The following CHRNA7 variants were observed in gnomAD, a reference collection of about 807,000 sequenced individuals.
The protein encoded by CHRNA7 is cholinergic receptor nicotinic alpha 7 subunit, also known as neuronal acetylcholine receptor subunit alpha-7.
In CHRNA7, 17 loss-of-function variants were observed where a neutral mutation model predicts 48.0. That is an observed-to-expected ratio of 0.35 (90% CI 0.24 to 0.53). The LOEUF is 0.53. Among genes scored for constraint, CHRNA7 ranks in the 20% least tolerant of loss-of-function variants. CHRNA7 has a pLI of 0.92. For missense variants in CHRNA7, 155 were observed against 577.7 expected (o/e 0.27, Z 7.50); for synonymous variants, 75 against 242.3 (o/e 0.31, Z 6.41).
chr15:32,092,940 A>T (rs982617463), intron 2 of CHRNA7, among the ~76,000 whole-genome samples: 1 of 152,162 alleles, frequency 6.6e-6, no homozygotes, highest in African/African-American at 2.4e-5. Context: ...AAAAAGCCTG[A>T]TATTGAAATT....
chr15:32,117,826 A>C (rs2050899690), intron 4 of CHRNA7, among the ~76,000 whole-genome samples: 1 of 152,172 alleles, frequency 6.6e-6, no homozygotes, highest in African/African-American at 2.4e-5. Context: ...CCTCAGCCTA[A>C]CCGAGATTGG....
At chr15:32,062,130 A>G (rs1310812894) in intron 2 of CHRNA7, among the ~76,000 whole-genome samples, 5 of 152,122 alleles carry the variant, frequency 3.3e-5, no homozygotes, top group African/African-American at 4.8e-5. Context: ...ATTTACGTGC[A>G]TATCTTGAAA....
intron 2 of CHRNA7, among the ~76,000 whole-genome samples, chr15:32,031,722 G>C (rs540547969): frequency 6.6e-6 from 1 of 152,358 alleles, no homozygotes; most frequent in South Asian, 2.1e-4. Flanking sequence ...GCCCACTTCA[G>C]TTAGCCAATC....
chr15:32,085,177 A>G (rs2141237949), intron 2 of CHRNA7, among the ~76,000 whole-genome samples: 1 of 152,230 alleles, frequency 6.6e-6, no homozygotes, highest in Non-Finnish European at 1.5e-5. Context: ...GGTCACTTCT[A>G]GTAGTCTTTG....
At chr15:32,056,547 A>T (rs1183325886) in intron 2 of CHRNA7, among the ~76,000 whole-genome samples, 4 of 152,228 alleles carry the variant, frequency 2.6e-5, no homozygotes, top group African/African-American at 9.6e-5. Context: ...TGTGTGTATG[A>T]TATGAAAATA....
intron 4 of CHRNA7, among the ~76,000 whole-genome samples, chr15:32,133,765 A>G (rs1356018950): frequency 6.6e-6 from 1 of 152,152 alleles, no homozygotes; most frequent in Admixed American, 6.5e-5. Context: ...TTCCAGCACC[A>G]ATTGTAGTGG....
At chr15:32,054,468 TA>T (rs2049749951) in intron 2 of CHRNA7, among the ~76,000 whole-genome samples, 2 of 152,172 alleles carry the variant, frequency 1.3e-5, no homozygotes, top group Non-Finnish European at 2.9e-5. Context: ...CTTTAAATTG[TA>T]GTAGAGTAGA....
In CHRNA7 at chr15:32,149,381, C is replaced by T. The variant is rs547749227; in HGVS notation, c.351-4526C>T. 2.6e-5 allele frequency among the ~76,000 whole-genome samples: 4 copies of T among 152,118 alleles called. No individual in the cohort carries two copies. The highest frequency in any genetic ancestry group is 2.1e-4 in the South Asian group (1 of 4,818). On this transcript the variant is annotated intron_variant, in intron 4 of 9. Coordinates refer to ENST00000306901, the MANE Select transcript of CHRNA7 (RefSeq NM_000746.6). This position sits in a 1 kb window ranked among gnomAD's most constrained non-coding sequence, Gnocchi z 4.6. Reference sequence around the variant, plus strand: ...TCGGGCATCCCCGGGGAAGCTGCGCCGGTGCTGTGGCCACTGAGGTCCTCA... The same window carrying T: ...TCGGGCATCCCCGGGGAAGCTGCGCTGGTGCTGTGGCCACTGAGGTCCTCA...
intron 3 of CHRNA7, among the ~76,000 whole-genome samples, chr15:32,105,625 A>T (rs1344035511): frequency 6.6e-6 from 1 of 152,218 alleles, no homozygotes; most frequent in African/African-American, 2.4e-5. Flanking sequence ...CGTGGGAGAA[A>T]TCTCTGCTTT....
chr15:32,080,816 T>A (rs546327339), intron 2 of CHRNA7, among the ~76,000 whole-genome samples: 1 of 152,332 alleles, frequency 6.6e-6, no homozygotes, highest in East Asian at 1.9e-4. Flanking sequence ...GGAATATAAA[T>A]CATTCTATTA....
At chr15:32,129,473 T>C (rs2051121226) in intron 4 of CHRNA7, among the ~76,000 whole-genome samples, 2 of 151,914 alleles carry the variant, frequency 1.3e-5, no homozygotes, top group Non-Finnish European at 3.0e-5. Flanking sequence ...AGCCTATTGG[T>C]TGAGTTGTGG....
Position 32,156,815 on chromosome 15 carries a change from G to C in CHRNA7, c.431-793G>C, listed in dbSNP as rs1018372644. 2.2e-5 allele frequency: 2 copies of C among 92,050 alleles called. 1 individual carries two copies. Among genetic ancestry groups the C allele is most frequent in the Non-Finnish European group, 4.9e-5 (2 of 40,570 alleles). The allele number at this position is 92,050 out of a possible 1,614,324, so 5.7% of individuals were successfully genotyped here. On this transcript the variant is annotated intron_variant, in intron 5 of 9. Transcript: ENST00000306901. Reference sequence around the variant, plus strand: ...GATTCTAGGTGTGTTCCCCAGGCTGGAGTGCAGGGGCTCGATCATAGCTCA... The same window carrying C: ...GATTCTAGGTGTGTTCCCCAGGCTGCAGTGCAGGGGCTCGATCATAGCTCA...
chr15:32,037,420 T>C (rs928741233), intron 2 of CHRNA7, among the ~76,000 whole-genome samples: 5 of 152,190 alleles, frequency 3.3e-5, no homozygotes, highest in Non-Finnish European at 7.4e-5. Context: ...GTCTTTTGCG[T>C]CTCTCTATAA....
At chr15:32,059,851 G>T (rs1003941325) in intron 2 of CHRNA7, among the ~76,000 whole-genome samples, 1 of 135,204 alleles carries the variant, frequency 7.4e-6, no homozygotes, top group South Asian at 2.4e-4. Flanking sequence ...AGGAAAAAAA[G>T]GCTATTTAGG....
At chr15:32,143,913 T>G (rs892562747) in intron 4 of CHRNA7, among the ~76,000 whole-genome samples, 1 of 152,204 alleles carries the variant, frequency 6.6e-6, no homozygotes, top group Non-Finnish European at 1.5e-5. Flanking sequence ...ATTTAGCCCA[T>G]TTGCATTTAA....
rs61639061 is a variant in CHRNA7 at position 32,112,027 on chromosome 15, G to A, written c.350+128G>A. On this transcript the variant is annotated intron_variant, in intron 4 of 9. Transcript: ENST00000306901. ...GATCTGGGGCCACTGCTCCCTACAC[G>A]GCTTTCCGAGCGGCCAGGCCTTTGA... is the stretch of plus-strand genomic sequence containing the variant. 2.9e-3 allele frequency: 2,052 copies of A among 698,096 alleles called. 31 individuals carry two copies. The African/African-American group carries it at 0.032, about 11-fold the overall frequency. 43.2% of individuals were successfully genotyped at this position (698,096 alleles called of 1,614,324 possible). A position where few individuals can be genotyped will look rare whatever the true frequency, so the allele number is the denominator to read the frequency against.
At chr15:32,031,148 G>C (rs1901819389) in intron 2 of CHRNA7, 111 bp downstream of exon 2, 1 of 1,316,054 alleles carries the variant, frequency 7.6e-7, no homozygotes, top group Non-Finnish European at 1.1e-6. Flanking sequence ...CACTCTAGTT[G>C]GCCCCAAGCT....
chr15:32,047,569 G>T (rs910015753), intron 2 of CHRNA7, among the ~76,000 whole-genome samples: 2 of 152,078 alleles, frequency 1.3e-5, no homozygotes, highest in Non-Finnish European at 2.9e-5. Context: ...AGGAGATTTT[G>T]GGCTGAGACA....
chr15:32,041,302 G>A (rs1296358661), intron 2 of CHRNA7, among the ~76,000 whole-genome samples: 3 of 152,166 alleles, frequency 2.0e-5, no homozygotes, highest in Non-Finnish European at 4.4e-5. Flanking sequence ...CCTGTTTTGT[G>A]GAAGACAATT....
Sources: gnomAD v4.1 joint callset for allele counts (sites outside exome capture counted in the v4.1 genomes callset) on GRCh38, gnomAD v4.1.1 for gene constraint, Gnocchi (gnomAD v3.1) non-coding constraint, MANE v1.5 for transcripts, NCBI Gene and HGNC (gene_info 2026-07-23, HGNC 2026-07-21) for gene names.